Variants in RUNX2 observed in about 807,000 individuals in gnomAD.
RUNX2 encodes the protein RUNX family transcription factor 2, also known as runt-related transcription factor 2.
Under a neutral mutation model 51.7 loss-of-function variants are expected in RUNX2, and 10 were observed. The observed-to-expected ratio is 0.19, with a 90% CI of 0.12 to 0.33. The LOEUF (loss-of-function observed/expected upper bound fraction) is 0.33, where lower values mean the gene tolerates loss of function less well. RUNX2 is among the 10% of genes least tolerant of loss of function. The pLI is 1.00. For missense variants in RUNX2, 562 were observed against 691.3 expected (o/e 0.81, Z 2.10); for synonymous variants, 276 against 273.6 (o/e 1.01, Z -0.09).
intron 5 of RUNX2, among the ~76,000 whole-genome samples, chr6:45,480,247 T>C (rs1407961072): frequency 6.6e-6 from 1 of 152,234 alleles, no homozygotes; most frequent in African/African-American, 2.4e-5. Flanking sequence ...TCCTTTGAGT[T>C]TAACTTGTAA....
intron 7 of RUNX2, among the ~76,000 whole-genome samples, chr6:45,530,760 A>C (rs1046483376): frequency 1.3e-5 from 2 of 152,234 alleles, no homozygotes; most frequent in African/African-American, 4.8e-5. Context: ...GAGCAGGACT[A>C]TTGGGTCCTC....
chr6:45,431,804 T>C, intron 3 of RUNX2, 59 bp from the exon 4 acceptor site: 2 of 1,571,366 alleles, frequency 1.3e-6, no homozygotes, highest in South Asian at 2.2e-5. Context: ...GAGAATATAT[T>C]CTGTTTGTAA....
chr6:45,366,303 G>C (rs745336251), intron 2 of RUNX2, among the ~76,000 whole-genome samples: 1 of 152,136 alleles, frequency 6.6e-6, no homozygotes, highest in Non-Finnish European at 1.5e-5. Flanking sequence ...TTGAATCCCA[G>C]CTCCGCTCCT....
intron 2 of RUNX2, chr6:45,365,342 G>T: frequency 2.3e-6 from 3 of 1,321,526 alleles, no homozygotes; most frequent in Non-Finnish European, 3.2e-6. Context: ...AATGTACCTA[G>T]CTATAAGTAA....
intron 7 of RUNX2, among the ~76,000 whole-genome samples, chr6:45,527,732 T>C (rs1801715253): frequency 6.6e-6 from 1 of 152,210 alleles, no homozygotes; most frequent in Non-Finnish European, 1.5e-5. Flanking sequence ...TGAAATGTTT[T>C]GTTTGACTGA....
At chr6:45,377,626 C>T (rs1277863167) in intron 2 of RUNX2, 1 of 152,240 alleles carries the variant, frequency 6.6e-6, no homozygotes, top group Non-Finnish European at 1.5e-5. Flanking sequence ...CACGAAGACC[C>T]AGGCAGCCGC....
intron 6 of RUNX2, among the ~76,000 whole-genome samples, chr6:45,492,601 G>A (rs928206827): frequency 1.3e-5 from 2 of 152,118 alleles, no homozygotes; most frequent in African/African-American, 4.8e-5. Context: ...TGGCTCATCG[G>A]GCACACAGAA....
intron 2 of RUNX2, among the ~76,000 whole-genome samples, chr6:45,331,543 T>C (rs1787512201): frequency 1.3e-5 from 2 of 151,980 alleles, no homozygotes; most frequent in Non-Finnish European, 2.9e-5. Flanking sequence ...AAAATCACTC[T>C]AACACATATC....
At chr6:45,484,784 G>A (rs192001169) in intron 5 of RUNX2, among the ~76,000 whole-genome samples, 4 of 152,222 alleles carry the variant, frequency 2.6e-5, no homozygotes, top group East Asian at 3.9e-4. Context: ...GTTCCCTAAC[G>A]CTTCCCTACA....
At position 45,474,561 on chromosome 6, in the gene RUNX2, G is replaced by A. The variant is rs558354699; in HGVS notation, c.686-17380G>A. Reference sequence around the variant, plus strand: ...TTGTTCACATCTGTTAATAAGCCTGGGATCTTATCAGAGTCTGTAGAGTTT... The same window carrying A: ...TTGTTCACATCTGTTAATAAGCCTGAGATCTTATCAGAGTCTGTAGAGTTT... On this transcript the variant is annotated intron_variant, in intron 5 of 8. Transcript: ENST00000647337. Among the ~76,000 whole-genome samples, 9 of 152,030 alleles carry A rather than the reference G, an allele frequency of 5.9e-5. No individual in the cohort carries two copies. In the South Asian group the frequency reaches 1.9e-3, roughly 32 times the overall value.
intron 2 of RUNX2, among the ~76,000 whole-genome samples, chr6:45,409,523 G>T (rs1447993687): frequency 6.6e-6 from 1 of 152,068 alleles, no homozygotes; most frequent in African/African-American, 2.4e-5. Context: ...TAGATACTTA[G>T]GTACGGAATT....
At chr6:45,506,241 G>A (rs1039505360) in intron 6 of RUNX2, among the ~76,000 whole-genome samples, 2 of 152,022 alleles carry the variant, frequency 1.3e-5, no homozygotes, top group African/African-American at 2.4e-5. Context: ...CTCTTCTCTC[G>A]CATGTAGTCA....
chr6:45,344,492 G>GAC lies in RUNX2; in HGVS notation c.58+15708_58+15709insAC, dbSNP rs546528264. 3.1e-3 allele frequency among the ~76,000 whole-genome samples: 467 copies of GAC among 151,768 alleles called. 2 individuals are homozygous for GAC. The highest frequency in any genetic ancestry group is 8.3e-3 in the African/African-American group (344 of 41,350). ...GTGCCTTAGATTCTAAATATCCAGT[G>GAC]GAGAGCCCATATATGTACATTTTCC... On this transcript the variant is annotated intron_variant, in intron 2 of 8. Transcript: ENST00000647337.
intron 2 of RUNX2, chr6:45,422,096 G>A (rs1442211910): frequency 6.7e-6 from 1 of 148,638 alleles, no homozygotes; most frequent in African/African-American, 2.4e-5. Context: ...AGCAGCGCGC[G>A]GCGCGGCGCG....
At position 45,453,882 on chromosome 6, in the gene RUNX2, T is replaced by C. The variant is rs574357416; in HGVS notation, c.685+15831T>C. ...ATCCAAGAGTTTTTGGATTGTATAA[T>C]TAGGAAAGCACTGATGGTCCAAAAC... is the stretch of plus-strand genomic sequence containing the variant. On this transcript the variant is annotated intron_variant, in intron 5 of 8. Transcript: ENST00000647337. 3.1e-3 allele frequency among the ~76,000 whole-genome samples: 476 copies of C among 152,350 alleles called. 6 individuals carry two copies. Among genetic ancestry groups the C allele is most frequent in the South Asian group, 0.012 (60 of 4,832 alleles).
At chr6:45,520,187 C>G (rs774744280) in intron 7 of RUNX2, among the ~76,000 whole-genome samples, 16 of 152,090 alleles carry the variant, frequency 1.1e-4, no homozygotes, top group Non-Finnish European at 1.9e-4. Context: ...CCTGAGGATA[C>G]TATCTTATCT....
At chr6:45,460,609 T>A (rs1799448021) in intron 5 of RUNX2, among the ~76,000 whole-genome samples, 1 of 152,056 alleles carries the variant, frequency 6.6e-6, no homozygotes, top group Admixed American at 6.6e-5. Context: ...CGAGTGACCC[T>A]TGAGCTGGGT....
chr6:45,459,984 A>G (rs1011304480), intron 5 of RUNX2, among the ~76,000 whole-genome samples: 1 of 152,224 alleles, frequency 6.6e-6, no homozygotes, highest in Non-Finnish European at 1.5e-5. Flanking sequence ...GTGTGGCTGC[A>G]GCAGAGTGAG....
At chr6:45,423,547 C>G (rs3805810) in intron 3 of RUNX2, among the ~76,000 whole-genome samples, 19,350 of 152,242 alleles carry the variant, frequency 0.13, 1,623 homozygotes, top group African/African-American at 0.23. Flanking sequence ...CCTGGTCCCT[C>G]CCGGGCTCCC....
Sources: gnomAD v4.1 joint callset for allele counts (sites outside exome capture counted in the v4.1 genomes callset) on GRCh38, gnomAD v4.1.1 for gene constraint, MANE v1.5 for transcripts, NCBI Gene and HGNC (gene_info 2026-07-23, HGNC 2026-07-21) for gene names.